Variants in RAPGEF5 observed in about 807,000 individuals in gnomAD.
The protein encoded by RAPGEF5 is M-Ras-regulated GEF.
A neutral mutation model predicts 125.2 loss-of-function variants in RAPGEF5; 65 were observed. The observed-to-expected ratio is 0.52, with a 90% CI of 0.43 to 0.64. The LOEUF (loss-of-function observed/expected upper bound fraction) is 0.64, where lower values mean the gene tolerates loss of function less well. RAPGEF5 is among the 30% of genes least tolerant of loss of function. RAPGEF5 has a pLI of 0.00. For synonymous variants in RAPGEF5, 391 were observed against 385.9 expected (o/e 1.01, Z -0.16); for missense variants, 958 against 1,048.1 (o/e 0.91, Z 1.19).
rs566627368 is a variant in RAPGEF5 at position 22,221,606 on chromosome 7, C to T, written c.871-1615G>A. Reference sequence around the variant, plus strand: ...GGGCAGGATTTTCCGGTGCTATTCTCGTAGTATTGAATAAGTCTCATGAGA... The same window carrying T: ...GGGCAGGATTTTCCGGTGCTATTCTTGTAGTATTGAATAAGTCTCATGAGA... On this transcript the variant is annotated intron_variant, in intron 8 of 25. Transcript: ENST00000665637. Among the ~76,000 whole-genome samples the T allele has an allele frequency of 5.3e-5, 8 of 152,186 alleles. No individual in the cohort carries two copies. The East Asian group carries it at 7.7e-4, about 15-fold the overall frequency.
intron 6 of RAPGEF5, among the ~76,000 whole-genome samples, chr7:22,268,318 G>A (rs1160633324): frequency 3.3e-5 from 5 of 152,160 alleles, no homozygotes; most frequent in Non-Finnish European, 5.9e-5. Context: ...CTCTGAAAAT[G>A]CTCACAGTTG....
intron 20 of RAPGEF5, among the ~76,000 whole-genome samples, chr7:22,144,248 C>T (rs1039833031): frequency 1.3e-5 from 2 of 152,066 alleles, no homozygotes; most frequent in Non-Finnish European, 2.9e-5. Context: ...AAGAAATAGC[C>T]CCTGTTCTTT....
intron 8 of RAPGEF5, among the ~76,000 whole-genome samples, chr7:22,227,424 T>A (rs1377430303): frequency 6.6e-6 from 1 of 152,190 alleles, no homozygotes; most frequent in African/African-American, 2.4e-5. Flanking sequence ...AAATAATTAT[T>A]ATCACTTAAT....
chr7:22,352,886 G>T (rs910187725), intron 1 of RAPGEF5, among the ~76,000 whole-genome samples: 1 of 152,098 alleles, frequency 6.6e-6, no homozygotes, highest in African/African-American at 2.4e-5. Context: ...AACCCCTAAT[G>T]AAAAGGATCT....
intron 9 of RAPGEF5, among the ~76,000 whole-genome samples, chr7:22,207,828 T>C (rs1785430296): frequency 6.6e-6 from 1 of 152,222 alleles, no homozygotes; most frequent in Non-Finnish European, 1.5e-5. Context: ...CAACCTCCTT[T>C]AGATTTGAGA....
At chr7:22,257,027 A>G (rs1786779630) in intron 7 of RAPGEF5, among the ~76,000 whole-genome samples, 1 of 152,204 alleles carries the variant, frequency 6.6e-6, no homozygotes, top group African/African-American at 2.4e-5. Context: ...ATTGGCAGTT[A>G]CTTTTATTTC....
chr7:22,287,528 C>T (rs1782825257), intron 6 of RAPGEF5, among the ~76,000 whole-genome samples: 1 of 152,074 alleles, frequency 6.6e-6, no homozygotes, highest in African/African-American at 2.4e-5. Flanking sequence ...TACAAGAGGG[C>T]ACGGTTGACT....
chr7:22,342,122 C>G (rs555022457), intron 1 of RAPGEF5, among the ~76,000 whole-genome samples: 62 of 152,322 alleles, frequency 4.1e-4, no homozygotes, highest in African/African-American at 1.4e-3. Context: ...GGTTCTCAAA[C>G]CCCAATTCTT....
At chr7:22,198,562 T>C (rs891298753) in intron 9 of RAPGEF5, among the ~76,000 whole-genome samples, 1 of 152,202 alleles carries the variant, frequency 6.6e-6, no homozygotes, top group Admixed American at 6.5e-5. Flanking sequence ...TATTAGTTAC[T>C]GGACCATTAA....
At chr7:22,225,848 T>C (rs540911402) in intron 8 of RAPGEF5, among the ~76,000 whole-genome samples, 37 of 152,362 alleles carry the variant, frequency 2.4e-4, no homozygotes, top group Middle Eastern at 6.8e-3. Context: ...AAAAAAAGTC[T>C]CCATAATGTA....
chr7:22,333,173 G>A (rs147259709), intron 1 of RAPGEF5, among the ~76,000 whole-genome samples: 1 of 152,058 alleles, frequency 6.6e-6, no homozygotes, highest in Non-Finnish European at 1.5e-5. Flanking sequence ...CTTTTTAAAA[G>A]TTCCTTTGAG....
chr7:22,119,239 T>A lies in RAPGEF5; in HGVS notation c.*3167A>T, dbSNP rs143677861. 1.3e-5 allele frequency: 2 copies of A among 152,328 alleles called. No homozygotes were observed. The highest frequency in any genetic ancestry group is 3.9e-4 in the East Asian group (2 of 5,180). 9.4% of individuals were successfully genotyped at this position (152,328 alleles called of 1,614,324 possible). On this transcript the variant is annotated 3_prime_UTR_variant, in exon 26 of 26. Coordinates refer to ENST00000665637, the MANE Select transcript of RAPGEF5 (RefSeq NM_012294.5). The surrounding 1 kb of genome is among the most constrained non-coding windows in gnomAD (Gnocchi z 4.1). ...TTTCTCCTCCACTCAGAGGCAAGTA[T>A]ATATTCATGCAGCATCCTCTCCCTG...
At chr7:22,184,433 T>C (rs545105873) in intron 11 of RAPGEF5, among the ~76,000 whole-genome samples, 130 of 152,324 alleles carry the variant, frequency 8.5e-4, no homozygotes, top group African/African-American at 3.0e-3. Context: ...GTTTGTAAAA[T>C]TAAAATTCAG....
At chr7:22,260,979 T>C (rs547698003) in intron 7 of RAPGEF5, among the ~76,000 whole-genome samples, 2 of 152,276 alleles carry the variant, frequency 1.3e-5, no homozygotes, top group East Asian at 3.9e-4. Flanking sequence ...GCATTATAGA[T>C]CAGTGAGCAA....
intron 11 of RAPGEF5, among the ~76,000 whole-genome samples, chr7:22,176,118 T>C (rs1784499129): frequency 6.6e-6 from 1 of 152,152 alleles, no homozygotes; most frequent in Admixed American, 6.5e-5. Context: ...ATGTCTTACA[T>C]GGTGTGTGCG....
intron 9 of RAPGEF5, among the ~76,000 whole-genome samples, chr7:22,205,342 T>TA (rs1401855104): frequency 6.6e-6 from 1 of 152,214 alleles, no homozygotes; most frequent in African/African-American, 2.4e-5. Context: ...TTTAAAACTT[T>TA]AAATATCCAA....
rs148644322 is a variant in RAPGEF5, at chr7:22,201,746, A to G, written c.997-7713T>C. Among the ~76,000 whole-genome samples the G allele has an allele frequency of 2.7e-3, 405 of 152,318 alleles. 1 individual carries two copies. The highest frequency in any genetic ancestry group is 8.6e-3 in the African/African-American group (357 of 41,566). ...GTGGCTAGTCAATCACACAGGTGTT[A>G]CTGTTTATCATAAAAGCTTAAATTT... is the stretch of plus-strand genomic sequence containing the variant. On this transcript the variant is annotated intron_variant, in intron 9 of 25. Transcript: ENST00000665637.
intron 7 of RAPGEF5, among the ~76,000 whole-genome samples, chr7:22,246,559 C>G (rs987045987): frequency 1.3e-5 from 2 of 152,052 alleles, no homozygotes; most frequent in Non-Finnish European, 2.9e-5. Context: ...CTACCTTTTA[C>G]CATTTATAAA....
At position 22,119,857 on chromosome 7, in the gene RAPGEF5, T is replaced by A. The variant is rs1326295403; in HGVS notation, c.*2549A>T. 1.3e-5 allele frequency: 2 copies of A among 152,120 alleles called. No individual in the cohort carries two copies. The highest frequency in any genetic ancestry group is 2.9e-5 in the Non-Finnish European group (2 of 68,044). The allele number at this position is 152,120 out of a possible 1,614,324, so 9.4% of individuals were successfully genotyped here. On this transcript the variant is annotated 3_prime_UTR_variant, in exon 26 of 26. Coordinates refer to ENST00000665637, the MANE Select transcript of RAPGEF5 (RefSeq NM_012294.5). The surrounding 1 kb of genome is among the most constrained non-coding windows in gnomAD (Gnocchi z 4.1). ...GGCCTTGGTGAATATCCAGAGAGGG[T>A]GCATGGCCCATCCTATTAACAAGGA...
Sources: gnomAD v4.1 joint callset for allele counts (sites outside exome capture counted in the v4.1 genomes callset) on GRCh38, gnomAD v4.1.1 for gene constraint, Gnocchi (gnomAD v3.1) non-coding constraint, MANE v1.5 for transcripts, NCBI Gene and HGNC (gene_info 2026-07-23, HGNC 2026-07-21) for gene names.